SNTG1: variants seen among roughly 807,000 people sequenced by gnomAD.
SNTG1 encodes syntrophin gamma 1, also known as gamma-1-syntrophin.
In SNTG1, 39 loss-of-function variants were observed where a neutral mutation model predicts 74.7. That is an observed-to-expected ratio of 0.52 (90% CI 0.40 to 0.68). The LOEUF is 0.68. Ranked by LOEUF, SNTG1 falls within the 30% of genes least tolerant of loss-of-function variation. The pLI is 0.00. For missense variants in SNTG1, 685 were observed against 609.5 expected (o/e 1.12, Z -1.30); for synonymous variants, 254 against 217.1 (o/e 1.17, Z -1.49).
intron 1 of SNTG1, among the ~76,000 whole-genome samples, chr8:50,115,555 G>A (rs532914490): frequency 4.1e-3 from 146 of 35,798 alleles, no homozygotes; most frequent in Non-Finnish European, 0.01. Context: ...GTGACAGAGC[G>A]AGACTCTGTC....
intron 18 of SNTG1, among the ~76,000 whole-genome samples, chr8:50,755,787 T>A (rs1334611489): frequency 2.0e-5 from 3 of 151,922 alleles, no homozygotes; most frequent in African/African-American, 7.2e-5. Flanking sequence ...TGTTCTGGAT[T>A]TGGACCATTC....
At chr8:50,092,726 A>G (rs1376369810) in intron 1 of SNTG1, among the ~76,000 whole-genome samples, 1 of 152,112 alleles carries the variant, frequency 6.6e-6, no homozygotes, top group Non-Finnish European at 1.5e-5. Context: ...ATTGAATCAC[A>G]TCTTAGCATT....
intron 1 of SNTG1, among the ~76,000 whole-genome samples, chr8:49,968,331 G>A (rs754315530): frequency 1.1e-4 from 17 of 152,136 alleles, no homozygotes; most frequent in Non-Finnish European, 2.5e-4. Flanking sequence ...CAATTATGGT[G>A]TATTTTGTCT....
intron 3 of SNTG1, 48 bp from the exon 4 acceptor site, chr8:50,402,162 A>C (rs780290903): frequency 8.3e-6 from 13 of 1,567,690 alleles, no homozygotes; most frequent in South Asian, 1.2e-5. Flanking sequence ...TACAACCTAT[A>C]AACTAAGTAT....
intron 8 of SNTG1, among the ~76,000 whole-genome samples, chr8:50,468,862 G>C (rs2093629658): frequency 6.6e-6 from 1 of 152,136 alleles, no homozygotes; most frequent in African/African-American, 2.4e-5. Context: ...TTTTCAGATA[G>C]CACTGTGCTG....
intron 2 of SNTG1, among the ~76,000 whole-genome samples, chr8:50,299,594 GA>G (rs1291978983): frequency 3.3e-5 from 5 of 151,960 alleles, no homozygotes; most frequent in Admixed American, 2.0e-4. Flanking sequence ...AAAAGTAAAA[GA>G]AATTGATCAA....
chr8:50,194,184 A>C (rs2083679041), intron 2 of SNTG1, among the ~76,000 whole-genome samples: 1 of 152,130 alleles, frequency 6.6e-6, no homozygotes, highest in South Asian at 2.1e-4. Flanking sequence ...CTGGCTCCAT[A>C]AATTGAATTA....
intron 15 of SNTG1, among the ~76,000 whole-genome samples, chr8:50,694,632 GA>G (rs1409145221): frequency 1.3e-5 from 2 of 151,938 alleles, no homozygotes; most frequent in Non-Finnish European, 2.9e-5. Context: ...CATAAGAAAA[GA>G]AAATTATAGG....
At chr8:50,617,244 A>G (rs76745839) in intron 13 of SNTG1, among the ~76,000 whole-genome samples, 6,480 of 152,196 alleles carry the variant, frequency 0.043, 244 homozygotes, top group African/African-American at 0.093. Flanking sequence ...CTGCTAATTT[A>G]TGTTCACTGA....
chr8:50,579,251 G>C (rs944287681), intron 12 of SNTG1, among the ~76,000 whole-genome samples: 2 of 152,148 alleles, frequency 1.3e-5, no homozygotes, highest in Admixed American at 6.5e-5. Flanking sequence ...CCTCCCCAGA[G>C]ATCTGTGGAA....
chr8:50,511,915 A>T lies in SNTG1; in HGVS notation c.466+9035A>T, dbSNP rs188322578. Among the ~76,000 whole-genome samples, 522 of 152,184 alleles carry T rather than the reference A, an allele frequency of 3.4e-3. 7 individuals are homozygous for T. The highest frequency in any genetic ancestry group is 9.9e-3 in the African/African-American group (412 of 41,544). Reference sequence around the variant, plus strand: ...TAATTGGAGCATTTAGCCCATTTACATTTAAGGTTAATATTGTTGTGTGTG... The same window carrying T: ...TAATTGGAGCATTTAGCCCATTTACTTTTAAGGTTAATATTGTTGTGTGTG... On this transcript the variant is annotated intron_variant, in intron 9 of 18. Transcript: ENST00000642720.
intron 2 of SNTG1, among the ~76,000 whole-genome samples, chr8:50,289,178 G>T (rs1186107807): frequency 6.6e-6 from 1 of 152,040 alleles, no homozygotes; most frequent in Non-Finnish European, 1.5e-5. Context: ...TCAATCCTTG[G>T]TTGTATGCGG....
intron 1 of SNTG1, among the ~76,000 whole-genome samples, chr8:49,947,707 T>C (rs1438464522): frequency 6.6e-6 from 1 of 152,324 alleles, no homozygotes; most frequent in Admixed American, 6.5e-5. Flanking sequence ...GTAATTGTAA[T>C]GACCAGTTTC....
intron 2 of SNTG1, among the ~76,000 whole-genome samples, chr8:50,326,502 G>C (rs2090755405): frequency 6.6e-6 from 1 of 151,740 alleles, no homozygotes; most frequent in Non-Finnish European, 1.5e-5. Context: ...AGTATTTTTT[G>C]TTATTCCTTT....
intron 1 of SNTG1, among the ~76,000 whole-genome samples, chr8:49,925,430 G>T (rs1333867749): frequency 6.6e-6 from 1 of 151,204 alleles, no homozygotes; most frequent in Non-Finnish European, 1.5e-5. Flanking sequence ...GAACTAATTT[G>T]CCTGTGTGTG....
At chr8:50,507,591 G>A (rs1021334266) in intron 9 of SNTG1, among the ~76,000 whole-genome samples, 25 of 151,874 alleles carry the variant, frequency 1.6e-4, no homozygotes, top group Admixed American at 1.4e-3. Context: ...ATTTTTTCTA[G>A]ATTATTCAGT....
intron 8 of SNTG1, among the ~76,000 whole-genome samples, chr8:50,499,665 G>GT (rs550084560): frequency 2.2e-3 from 326 of 147,750 alleles, no homozygotes; most frequent in African/African-American, 6.6e-3. Flanking sequence ...TTACCTGTAG[G>GT]TTTTTTTTTT....
intron 12 of SNTG1, among the ~76,000 whole-genome samples, chr8:50,566,040 T>C (rs2094515238): frequency 6.6e-6 from 1 of 151,878 alleles, no homozygotes; most frequent in South Asian, 2.1e-4. Flanking sequence ...TTCATAAGAC[T>C]CAATTTATTT....
chr8:50,273,719 C>T (rs80087340), intron 2 of SNTG1, among the ~76,000 whole-genome samples: 9,638 of 151,958 alleles, frequency 0.063, 337 homozygotes, highest in South Asian at 0.077. Flanking sequence ...ATGGTGGTGA[C>T]GAATATCTTA....
Sources: gnomAD v4.1 joint callset for allele counts (sites outside exome capture counted in the v4.1 genomes callset) on GRCh38, gnomAD v4.1.1 for gene constraint, MANE v1.5 for transcripts, NCBI Gene and HGNC (gene_info 2026-07-23, HGNC 2026-07-21) for gene names.